CSMD1: variants seen among roughly 807,000 people sequenced by gnomAD.
CSMD1 encodes the protein CUB and sushi domain-containing protein 1.
CSMD1 carries 213 observed loss-of-function variants against 417.5 expected under a neutral mutation model. The observed-to-expected ratio is 0.51, with a 90% CI of 0.46 to 0.57. The LOEUF is 0.57. Ranked by LOEUF, CSMD1 falls within the 20% of genes least tolerant of loss-of-function variation. The pLI is 0.00. For missense variants in CSMD1, 6,923 were observed against 4,529.7 expected (o/e 1.53, Z -15.17); for synonymous variants, 2,862 against 1,736.8 (o/e 1.65, Z -16.11).
At chr8:3,632,794 C>T (rs550974005) in intron 7 of CSMD1, among the ~76,000 whole-genome samples, 1 of 152,304 alleles carries the variant, frequency 6.6e-6, no homozygotes, top group East Asian at 1.9e-4. Context: ...ATTTGCTTTC[C>T]TGTTTCAGGT....
chr8:4,511,972 A>G (rs1802845561), intron 2 of CSMD1, among the ~76,000 whole-genome samples: 1 of 152,140 alleles, frequency 6.6e-6, no homozygotes, highest in Admixed American at 6.6e-5. Flanking sequence ...TCAACACCAG[A>G]CAGAGGCATT....
intron 1 of CSMD1, among the ~76,000 whole-genome samples, chr8:4,829,619 G>A (rs1198525128): frequency 1.3e-5 from 2 of 151,840 alleles, no homozygotes; most frequent in Non-Finnish European, 2.9e-5. Flanking sequence ...TCATGCCTGT[G>A]GTCCCAAGTA....
At chr8:3,887,002 TG>T (rs1806610586) in intron 5 of CSMD1, among the ~76,000 whole-genome samples, 1 of 152,160 alleles carries the variant, frequency 6.6e-6, no homozygotes, top group African/African-American at 2.4e-5. Flanking sequence ...ATTGATCACC[TG>T]GTACCACATG....
At chr8:3,525,585 T>A (rs1427253902) in intron 10 of CSMD1, among the ~76,000 whole-genome samples, 1 of 152,152 alleles carries the variant, frequency 6.6e-6, no homozygotes, top group Non-Finnish European at 1.5e-5. Context: ...AGCAGAGGGA[T>A]AAGTCTGTCA....
chr8:4,771,665 C>T (rs1354911931), intron 1 of CSMD1, among the ~76,000 whole-genome samples: 1 of 152,184 alleles, frequency 6.6e-6, no homozygotes, highest in East Asian at 1.9e-4. Context: ...CAAATTAAAA[C>T]ATACGCAAAG....
Position 2,951,165 on chromosome 8 carries a change from T to G in CSMD1, c.10150A>C (p.Lys3384Gln). ...TVDWFNATSS[K>Q]VNATFSEASP... ...GCTTCGCTGAAGGTGGCATTCACCTTACTGCTTGTTGCATTGAACCAGTCA... is the reference window on the plus strand; with the variant it reads ...GCTTCGCTGAAGGTGGCATTCACCTGACTGCTTGTTGCATTGAACCAGTCA... Residue 3384 changes from lysine to glutamine, a missense_variant, in exon 66 of 70, where the codon AAG becomes CAG. By Grantham distance (53) the Lys-to-Gln change is moderately conservative (BLOSUM62 1). Transcript: ENST00000635120. 6.2e-7 allele frequency: 1 copy of G among 1,613,688 alleles called. No homozygotes were observed. Among genetic ancestry groups the G allele is most frequent in the Non-Finnish European group, 8.5e-7 (1 of 1,179,690 alleles).
intron 2 of CSMD1, among the ~76,000 whole-genome samples, chr8:4,541,901 A>C (rs1797405140): frequency 6.6e-6 from 1 of 152,268 alleles, no homozygotes; most frequent in East Asian, 1.9e-4. Context: ...CCGCACCTGT[A>C]GCTGCACTCT....
chr8:3,521,345 C>A (rs759592145), intron 10 of CSMD1, among the ~76,000 whole-genome samples: 1 of 152,114 alleles, frequency 6.6e-6, no homozygotes, highest in Non-Finnish European at 1.5e-5. Context: ...TGTTTCTTTG[C>A]TGTTGGCCCT....
At chr8:4,392,954 G>A (rs182254552) in intron 3 of CSMD1, among the ~76,000 whole-genome samples, 3 of 151,958 alleles carry the variant, frequency 2.0e-5, no homozygotes, top group African/African-American at 7.2e-5. Flanking sequence ...GGGCAACACG[G>A]TGGGACACTG....
At chr8:4,258,824 G>C (rs1490854060) in intron 3 of CSMD1, among the ~76,000 whole-genome samples, 1 of 152,108 alleles carries the variant, frequency 6.6e-6, no homozygotes, top group African/African-American at 2.4e-5. Context: ...GCAGCAGAAA[G>C]ATCAGGAGCC....
chr8:3,223,657 C>T (rs565627836), intron 28 of CSMD1, 72 bp downstream of exon 28: 38 of 1,503,296 alleles, frequency 2.5e-5, no homozygotes, highest in Non-Finnish European at 3.5e-5. Flanking sequence ...ACTATGAGGT[C>T]ATAAAAGAAG....
intron 6 of CSMD1, among the ~76,000 whole-genome samples, chr8:3,737,700 T>G (rs1199656314): frequency 6.6e-6 from 1 of 152,216 alleles, no homozygotes; most frequent in Non-Finnish European, 1.5e-5. Flanking sequence ...TGTCTTCACG[T>G]TTCTGACTTC....
chr8:3,834,449 C>T (rs1802556296), intron 5 of CSMD1, among the ~76,000 whole-genome samples: 1 of 152,174 alleles, frequency 6.6e-6, no homozygotes, highest in Admixed American at 6.6e-5. Context: ...CTGGGCTTCC[C>T]CGGCAGGCAG....
intron 2 of CSMD1, among the ~76,000 whole-genome samples, chr8:4,460,925 G>A (rs894744195): frequency 6.6e-6 from 1 of 151,968 alleles, no homozygotes; most frequent in Admixed American, 6.6e-5. Flanking sequence ...ATTTTATAAG[G>A]TCAATACCCC....
chr8:4,044,627 G>A (rs543883256), intron 3 of CSMD1, among the ~76,000 whole-genome samples: 2 of 128,144 alleles, frequency 1.6e-5, no homozygotes, highest in Admixed American at 7.9e-5. Flanking sequence ...GCAATAAGAA[G>A]AGACATAGCG....
At chr8:4,132,421 T>C (rs1031410375) in intron 3 of CSMD1, among the ~76,000 whole-genome samples, 3 of 152,188 alleles carry the variant, frequency 2.0e-5, no homozygotes, top group African/African-American at 4.8e-5. Flanking sequence ...TGTTTACCCA[T>C]AGAAACTATT....
chr8:4,166,169 G>A (rs961675977), intron 3 of CSMD1, among the ~76,000 whole-genome samples: 3 of 152,044 alleles, frequency 2.0e-5, no homozygotes, highest in African/African-American at 7.2e-5. Context: ...ATTTGTAGTA[G>A]TCTACTTGAA....
At chr8:3,026,502 G>A (rs1311768177) in intron 51 of CSMD1, among the ~76,000 whole-genome samples, 2 of 147,214 alleles carry the variant, frequency 1.4e-5, no homozygotes, top group Admixed American at 6.7e-5. Context: ...GGGCCTCACT[G>A]GACCTCACTG....
intron 2 of CSMD1, among the ~76,000 whole-genome samples, chr8:4,466,674 T>A (rs1452163147): frequency 6.6e-6 from 1 of 152,186 alleles, no homozygotes; most frequent in Non-Finnish European, 1.5e-5. Context: ...AACTCTGAGT[T>A]GGGATATGTT....
Sources: allele counts gnomAD v4.1 joint callset (sites outside exome capture counted in the v4.1 genomes callset), GRCh38; gene constraint gnomAD v4.1.1; transcripts MANE v1.5; gene names NCBI Gene and HGNC (gene_info 2026-07-23, HGNC 2026-07-21).